PPP2R5E: variants seen among roughly 807,000 people sequenced by gnomAD.
PPP2R5E encodes serine/threonine-protein phosphatase 2A 56 kDa regulatory subunit epsilon isoform.
A neutral mutation model predicts 65.3 loss-of-function variants in PPP2R5E; 4 were observed. The ratio of observed to expected loss-of-function variants is 0.06; its 90% confidence interval spans 0.03 to 0.14. The LOEUF is 0.14. Among genes scored for constraint, PPP2R5E ranks in the 10% least tolerant of loss-of-function variants. The probability of loss-of-function intolerance (pLI) is 1.00; values close to 1 mark genes in which losing one functional copy is unlikely to be tolerated. For synonymous variants in PPP2R5E, 183 were observed against 187.4 expected (o/e 0.98, Z 0.19); for missense variants, 274 against 556.1 (o/e 0.49, Z 5.10).
chr14:63,509,882 A>G (rs1462698181), intron 2 of PPP2R5E, among the ~76,000 whole-genome samples: 1 of 152,186 alleles, frequency 6.6e-6, no homozygotes, highest in African/African-American at 2.4e-5. Context: ...CGTAGATCTG[A>G]GTATAATAAG....
intron 7 of PPP2R5E, among the ~76,000 whole-genome samples, chr14:63,394,483 A>T (rs1403246069): frequency 6.6e-6 from 1 of 152,230 alleles, no homozygotes; most frequent in Non-Finnish European, 1.5e-5. Context: ...CTGTGCTCCT[A>T]AAATTAGTCA....
At chr14:63,506,445 C>T (rs1469073546) in intron 2 of PPP2R5E, among the ~76,000 whole-genome samples, 1 of 151,738 alleles carries the variant, frequency 6.6e-6, no homozygotes, top group Non-Finnish European at 1.5e-5. Flanking sequence ...AGCAAGACTC[C>T]GTCTCAAAAA....
chr14:63,533,904 G>A (rs757201194), intron 2 of PPP2R5E, among the ~76,000 whole-genome samples: 3 of 151,492 alleles, frequency 2.0e-5, no homozygotes, highest in Non-Finnish European at 2.9e-5. Context: ...CCGAGATTGC[G>A]CCACTGCACT....
intron 3 of PPP2R5E, among the ~76,000 whole-genome samples, chr14:63,434,250 A>G (rs374637660): frequency 4.3e-4 from 65 of 152,340 alleles, no homozygotes; most frequent in African/African-American, 1.4e-3. Context: ...AAAAAAACAA[A>G]CAAACAAACA....
intron 2 of PPP2R5E, among the ~76,000 whole-genome samples, chr14:63,505,097 G>C (rs942906550): frequency 6.6e-6 from 1 of 152,204 alleles, no homozygotes; most frequent in African/African-American, 2.4e-5. Context: ...TACTTTGGGA[G>C]GCCGAGACAG....
At chr14:63,488,643 A>AT (rs2139623531) in intron 2 of PPP2R5E, among the ~76,000 whole-genome samples, 1 of 151,110 alleles carries the variant, frequency 6.6e-6, no homozygotes. Flanking sequence ...GAAGTCAGGA[A>AT]TTTGAGACCA....
intron 3 of PPP2R5E, among the ~76,000 whole-genome samples, chr14:63,434,441 T>C (rs1887853072): frequency 6.6e-6 from 1 of 152,200 alleles, no homozygotes; most frequent in South Asian, 2.1e-4. Flanking sequence ...CTCCAAGTCA[T>C]GATTTCATCC....
chr14:63,381,333 T>C (rs770878531), intron 13 of PPP2R5E, among the ~76,000 whole-genome samples: 8 of 152,016 alleles, frequency 5.3e-5, no homozygotes, highest in East Asian at 3.9e-4. Flanking sequence ...AAGAGCTAGA[T>C]AAATGGTGCC....
At chr14:63,448,876 C>T (rs1266755587) in intron 3 of PPP2R5E, among the ~76,000 whole-genome samples, 9 of 151,534 alleles carry the variant, frequency 5.9e-5, no homozygotes, top group African/African-American at 2.2e-4. Context: ...CCCATAAGAG[C>T]TGCTTTGCTT....
intron 10 of PPP2R5E, among the ~76,000 whole-genome samples, chr14:63,391,281 C>T (rs1408789714): frequency 6.6e-6 from 1 of 152,152 alleles, no homozygotes; most frequent in African/African-American, 2.4e-5. Flanking sequence ...TCTGTACTTA[C>T]TTAGTGTACT....
At chr14:63,528,599 C>A (rs1242752038) in intron 2 of PPP2R5E, among the ~76,000 whole-genome samples, 2 of 151,896 alleles carry the variant, frequency 1.3e-5, no homozygotes, top group Non-Finnish European at 2.9e-5. Flanking sequence ...GCAATGTGAT[C>A]CTTTTAAAAT....
Position 63,396,615 on chromosome 14 carries a change from G to A in PPP2R5E, c.651C>T (p.Ile217=), listed in dbSNP as rs973834974. 1.2e-6 allele frequency: 2 copies of A among 1,613,180 alleles called. No individual in the cohort carries two copies. The highest frequency in any genetic ancestry group is 1.7e-6 in the Non-Finnish European group (2 of 1,179,674). The change falls in exon 6 of 14, where the codon ATC becomes ATT. Residue 217 remains isoleucine, a synonymous_variant. Transcript: ENST00000337537. ...GAAAAATATTGTTAATCTGTTTTCG[G>A]ATAAATGCTCTAAGACCAAGAAACT... ...YGKFLGLRAF[I]RKQINNIFLR...
At chr14:63,509,412 T>TA (rs1371497359) in intron 2 of PPP2R5E, among the ~76,000 whole-genome samples, 3 of 151,854 alleles carry the variant, frequency 2.0e-5, no homozygotes. Flanking sequence ...TAGCTGGGAT[T>TA]ACAGATACGC....
At position 63,389,621 on chromosome 14, in the gene PPP2R5E, G is replaced by T. The variant is rs757210728; in HGVS notation, c.1065C>A (p.Pro355=). ...FKQIAKCVSS[P]HFQVAERALY... Reference sequence around the variant, plus strand: ...CCTCTTTACTACTAACCTGAAAATGGGGGCTAGATACACACTTGGCGATTT... The same window carrying T: ...CCTCTTTACTACTAACCTGAAAATGTGGGCTAGATACACACTTGGCGATTT... The change falls in exon 11 of 14, where the codon CCC becomes CCA. Residue 355 remains proline, a synonymous_variant. Transcript: ENST00000337537. 6.2e-7 allele frequency: 1 copy of T among 1,605,664 alleles called. No individual in the cohort carries two copies. The highest frequency in any genetic ancestry group is 8.5e-7 in the Non-Finnish European group (1 of 1,178,020).
rs768412393 is a variant in PPP2R5E at position 63,376,100 on chromosome 14, T to C, written c.1313A>G (p.Lys438Arg). 38 of 1,595,216 alleles carry C rather than the reference T, an allele frequency of 2.4e-5. No individual in the cohort carries two copies. The highest frequency in any genetic ancestry group is 2.9e-5 in the Non-Finnish European group (34 of 1,163,266). ...CAATTCTTCACGCTCCTTTTCTTTC[T>C]TTTTCTCACTGAGGAAGAAACAGAA... ...TYKSDRQREKKKEKEREELWK... is the reference protein window; with the variant it reads ...TYKSDRQREKRKEKEREELWK... Residue 438 changes from lysine to arginine, a missense_variant, in exon 14 of 14, where the codon AAG becomes AGG. Lys to Arg is a conservative substitution (Grantham distance 26). Transcript: ENST00000337537.
intron 2 of PPP2R5E, among the ~76,000 whole-genome samples, chr14:63,457,263 T>C (rs1366978977): frequency 6.6e-6 from 1 of 152,188 alleles, no homozygotes; most frequent in Non-Finnish European, 1.5e-5. Flanking sequence ...GTTTCCACTA[T>C]ATAAGAAAAG....
At chr14:63,398,791 G>C (rs1481929689) in intron 5 of PPP2R5E, among the ~76,000 whole-genome samples, 2 of 151,718 alleles carry the variant, frequency 1.3e-5, no homozygotes, top group African/African-American at 4.8e-5. Flanking sequence ...CTCCATCTCA[G>C]AAAAAAAGAA....
chr14:63,445,872 T>C (rs1407757003), intron 3 of PPP2R5E, among the ~76,000 whole-genome samples: 2 of 151,952 alleles, frequency 1.3e-5, no homozygotes, highest in Non-Finnish European at 2.9e-5. Context: ...ATGAAGTTTG[T>C]GGCTTCGATT....
At chr14:63,500,995 A>C (rs1891849391) in intron 2 of PPP2R5E, among the ~76,000 whole-genome samples, 2 of 152,194 alleles carry the variant, frequency 1.3e-5, no homozygotes, top group Non-Finnish European at 2.9e-5. Context: ...CTACATCTAC[A>C]TACTATTATT....
Sources: allele counts gnomAD v4.1 joint callset (sites outside exome capture counted in the v4.1 genomes callset), GRCh38; gene constraint gnomAD v4.1.1; transcripts MANE v1.5; gene names NCBI Gene and HGNC (gene_info 2026-07-23, HGNC 2026-07-21).